The following ADAM32 variants were observed in gnomAD, a reference collection of about 807,000 sequenced individuals.
The protein encoded by ADAM32 is ADAM metallopeptidase domain 32.
Under a neutral mutation model 114.9 loss-of-function variants are expected in ADAM32, and 89 were observed. That is an observed-to-expected ratio of 0.77 (90% CI 0.65 to 0.92). The LOEUF is 0.92. ADAM32 is among the 40% of genes least tolerant of loss of function. The pLI, the probability that ADAM32 is intolerant of heterozygous loss-of-function variation, is 0.00. For missense variants in ADAM32, 870 were observed against 932.8 expected (o/e 0.93, Z 0.88); for synonymous variants, 285 against 307.5 (o/e 0.93, Z 0.77).
At chr8:39,122,596 A>G (rs1801842819) in intron 2 of ADAM32, among the ~76,000 whole-genome samples, 1 of 152,196 alleles carries the variant, frequency 6.6e-6, no homozygotes. Flanking sequence ...TTTTGTTTTG[A>G]GACAGAGTCT....
intron 19 of ADAM32, among the ~76,000 whole-genome samples, chr8:39,269,774 A>G (rs1400771855): frequency 1.3e-5 from 2 of 152,202 alleles, no homozygotes; most frequent in Non-Finnish European, 2.9e-5. Context: ...GTGCTGTGTT[A>G]TAGAGACATA....
At chr8:39,111,455 G>C (rs1334955555) in intron 1 of ADAM32, among the ~76,000 whole-genome samples, 1 of 152,102 alleles carries the variant, frequency 6.6e-6, no homozygotes, top group Admixed American at 6.5e-5. Flanking sequence ...TTGGGAAGAG[G>C]CTGGGAATGG....
chr8:39,156,876 C>T (rs1804184546), intron 6 of ADAM32, among the ~76,000 whole-genome samples: 1 of 152,208 alleles, frequency 6.6e-6, no homozygotes, highest in African/African-American at 2.4e-5. Flanking sequence ...TTTAAAGGCC[C>T]TGTCTCCAAA....
intron 11 of ADAM32, among the ~76,000 whole-genome samples, chr8:39,189,899 C>G (rs190815555): frequency 1.3e-5 from 2 of 152,214 alleles, no homozygotes; most frequent in African/African-American, 4.8e-5. Context: ...ACTGCAAGCT[C>G]TGCCTCCTGG....
At chr8:39,199,720 C>A (rs1025187824) in intron 11 of ADAM32, among the ~76,000 whole-genome samples, 6 of 151,924 alleles carry the variant, frequency 3.9e-5, no homozygotes, top group African/African-American at 1.2e-4. Flanking sequence ...GTGCTGCACC[C>A]ATTAACTCAT....
At chr8:39,157,279 G>C (rs1804204835) in intron 6 of ADAM32, among the ~76,000 whole-genome samples, 1 of 152,122 alleles carries the variant, frequency 6.6e-6, no homozygotes, top group Non-Finnish European at 1.5e-5. Flanking sequence ...ATTCTTTTGA[G>C]TTTATTCTAC....
At chr8:39,195,975 G>T (rs879505668) in intron 11 of ADAM32, among the ~76,000 whole-genome samples, 10 of 152,070 alleles carry the variant, frequency 6.6e-5, no homozygotes, top group Non-Finnish European at 1.5e-4. Context: ...CTCCACATGG[G>T]TGGATGTTTT....
chr8:39,136,117 G>A (rs1048043984), intron 2 of ADAM32, among the ~76,000 whole-genome samples: 1 of 152,096 alleles, frequency 6.6e-6, no homozygotes, highest in Non-Finnish European at 1.5e-5. Flanking sequence ...CATCACTGAG[G>A]TTCACTGACC....
intron 2 of ADAM32, among the ~76,000 whole-genome samples, chr8:39,134,564 A>C (rs4601278): frequency 6.6e-6 from 1 of 151,832 alleles, no homozygotes; most frequent in Admixed American, 6.6e-5. Flanking sequence ...TCTGTTTGAC[A>C]TGTGCTTATC....
In ADAM32 at chr8:39,151,644, A is replaced by T. The variant is rs373636934; in HGVS notation, c.525+96A>T. 116 of 851,122 alleles carry T rather than the reference A, an allele frequency of 1.4e-4. No homozygotes were observed. The East Asian group carries it at 1.4e-3, about 10-fold the overall frequency. The allele number at this position is 851,122 out of a possible 1,614,324, so 52.7% of individuals were successfully genotyped here. A position where few individuals can be genotyped will look rare whatever the true frequency, so the allele number is the denominator to read the frequency against. On this transcript the variant is annotated intron_variant, in intron 6 of 24. Transcript: ENST00000379907. ...ATTTATAAGCCCACTGTAGAATTGT[A>T]GCAAATATCCTTTCCTTGTGAACAT... is the stretch of plus-strand genomic sequence containing the variant.
chr8:39,161,939 A>G (rs1804532345), intron 7 of ADAM32, among the ~76,000 whole-genome samples: 1 of 151,210 alleles, frequency 6.6e-6, no homozygotes, highest in African/African-American at 2.4e-5. Context: ...ATTATGTTAT[A>G]TATCTTGAGA....
chr8:39,183,121 G>A (rs1806009703), intron 10 of ADAM32, among the ~76,000 whole-genome samples: 1 of 152,176 alleles, frequency 6.6e-6, no homozygotes, highest in African/African-American at 2.4e-5. Flanking sequence ...CAGTATTTTT[G>A]TATGTTTGGA....
chr8:39,257,460 C>T lies in ADAM32; in HGVS notation c.2162+117C>T, dbSNP rs142025667. 2.9e-4 allele frequency: 349 copies of T among 1,191,992 alleles called. No homozygotes were observed. The African/African-American group carries it at 4.9e-3, about 17-fold the overall frequency. The allele number at this position is 1,191,992 out of a possible 1,614,324, so 73.8% of individuals were successfully genotyped here. On this transcript the variant is annotated intron_variant, in intron 19 of 24. Transcript: ENST00000379907. ...CATATCACTGGGATTTTGAGTATTA[C>T]ATCAATATGTCATTTAATTTTATGA...
At chr8:39,250,339 A>G (rs1367067502) in intron 17 of ADAM32, among the ~76,000 whole-genome samples, 4 of 151,362 alleles carry the variant, frequency 2.6e-5, no homozygotes, top group South Asian at 2.1e-4. Context: ...ATCTTTTCTC[A>G]TCTCAGCCAT....
intron 1 of ADAM32, among the ~76,000 whole-genome samples, chr8:39,114,230 C>T (rs909792797): frequency 6.6e-6 from 1 of 152,190 alleles, no homozygotes; most frequent in African/African-American, 2.4e-5. Flanking sequence ...CCCTGAAAGT[C>T]TGGCTATTTC....
chr8:39,233,053 A>G (rs1809853883), intron 15 of ADAM32, among the ~76,000 whole-genome samples: 2 of 152,200 alleles, frequency 1.3e-5, no homozygotes, highest in South Asian at 4.1e-4. Flanking sequence ...CCAGTAAGTA[A>G]CAGATCTCTA....
At chr8:39,280,321 A>C (rs1236367903) in intron 22 of ADAM32, among the ~76,000 whole-genome samples, 1 of 152,152 alleles carries the variant, frequency 6.6e-6, no homozygotes, top group East Asian at 1.9e-4. Context: ...TGTGACTGTC[A>C]ATCTTAGTTA....
chr8:39,124,414 C>CTTTTTTTTTTTTT (rs57362503), intron 2 of ADAM32, among the ~76,000 whole-genome samples: 1 of 136,670 alleles, frequency 7.3e-6, no homozygotes, highest in Admixed American at 7.2e-5. Flanking sequence ...TTTTCTTTTT[C>CTTTTTTTTTTTTT]TTTTTTTTTT....
intron 1 of ADAM32, among the ~76,000 whole-genome samples, chr8:39,115,691 G>A (rs746892703): frequency 2.0e-5 from 3 of 151,656 alleles, no homozygotes; most frequent in Non-Finnish European, 4.4e-5. Context: ...TCTGCAGGTT[G>A]CCTATTTACT....
Sources: gnomAD v4.1 joint callset for allele counts (sites outside exome capture counted in the v4.1 genomes callset) on GRCh38, gnomAD v4.1.1 for gene constraint, MANE v1.5 for transcripts, NCBI Gene and HGNC (gene_info 2026-07-23, HGNC 2026-07-21) for gene names.